The following ULK3 variants were observed in gnomAD, a reference collection of about 807,000 sequenced individuals.
ULK3 encodes the protein unc-51 like kinase 3.
In ULK3, 54 loss-of-function variants were observed where a neutral mutation model predicts 69.4. The observed-to-expected ratio is 0.78, with a 90% CI of 0.63 to 0.98. The LOEUF is 0.98. ULK3 is among the 50% of genes least tolerant of loss of function. The pLI, the probability that ULK3 is intolerant of heterozygous loss-of-function variation, is 0.00. For missense variants in ULK3, 558 were observed against 627.7 expected, an observed-to-expected ratio of 0.89 and a Z score of 1.19; for synonymous variants, 240 against 254.5, an observed-to-expected ratio of 0.94 and a Z score of 0.54.
intron 9 of ULK3, 132 bp from the exon 10 acceptor site, chr15:74,838,877 G>T: frequency 1.4e-6 from 2 of 1,409,554 alleles, no homozygotes; most frequent in Non-Finnish European, 1.9e-6. Flanking sequence ...AAATGTGGCT[G>T]GCCTGACCCA....
chr15:74,842,874 G>A lies in ULK3; in HGVS notation c.102+130C>T. The A allele has an allele frequency of 7.6e-7, 1 of 1,322,398 alleles. No homozygotes were observed. Among genetic ancestry groups the A allele is most frequent in the Admixed American group, 2.5e-5 (1 of 40,098 alleles). 81.9% of individuals were successfully genotyped at this position (1,322,398 alleles called of 1,614,324 possible). A position where few individuals can be genotyped will look rare whatever the true frequency, so the allele number is the denominator to read the frequency against. ...GGCAGTCGGCTCCAACCTCCGCCGAGGGTCAGCTGGGGCGAGGCCGGCCTC... is the reference window on the plus strand; with the variant it reads ...GGCAGTCGGCTCCAACCTCCGCCGAAGGTCAGCTGGGGCGAGGCCGGCCTC... On this transcript the variant is annotated intron_variant, in intron 1 of 15. Transcript: ENST00000440863. This position sits in a 1 kb window ranked among gnomAD's most constrained non-coding sequence, Gnocchi z 4.9.
In ULK3 at chr15:74,838,191, C is replaced by A; in HGVS notation, c.1248G>T (p.Ala416=). ...GCTCCCGCCTCCGGCCCGGGGGCTC[C>A]GCTGTAAAGAGAGGGTGTGTGGTGA... ...SLGELLLLLA[A]EPPGRRRELL... The change falls in exon 13 of 16, where the codon GCG becomes GCT. Residue 416 remains alanine, a splice_region_variant and synonymous_variant. Coordinates refer to ENST00000440863, the MANE Select transcript of ULK3 (RefSeq NM_001099436.4). 1 of 1,566,660 alleles carries A rather than the reference C, an allele frequency of 6.4e-7. No individual in the cohort carries two copies. The highest frequency in any genetic ancestry group is 2.4e-5 in the East Asian group (1 of 42,090).
At chr15:74,841,346 C>T in intron 4 of ULK3, 59 bp downstream of exon 4, 1 of 1,442,054 alleles carries the variant, frequency 6.9e-7, no homozygotes, top group Non-Finnish European at 9.7e-7. Flanking sequence ...TGAGTGAGCC[C>T]AGGCAGAGGG....
Position 74,837,189 on chromosome 15 carries a change from C to G in ULK3, c.*39G>C. On this transcript the variant is annotated 3_prime_UTR_variant, in exon 16 of 16. Coordinates refer to ENST00000440863, the MANE Select transcript of ULK3 (RefSeq NM_001099436.4). ...GTCAGCCTGGGTTAGTGCCCCTCTGCTCCAGATGGCTCACATCTGTCCAAT... is the reference window on the plus strand; with the variant it reads ...GTCAGCCTGGGTTAGTGCCCCTCTGGTCCAGATGGCTCACATCTGTCCAAT... The G allele has an allele frequency of 6.5e-7, 1 of 1,530,234 alleles. No individual in the cohort carries two copies. Among genetic ancestry groups the G allele is most frequent in the Non-Finnish European group, 8.8e-7 (1 of 1,138,342 alleles). 94.8% of individuals were successfully genotyped at this position (1,530,234 alleles called of 1,614,324 possible).
chr15:74,837,731 C>A lies in ULK3; in HGVS notation c.1335+20G>T. 6.3e-7 allele frequency: 1 copy of A among 1,588,008 alleles called. No homozygotes were observed. Among genetic ancestry groups the A allele is most frequent in the Non-Finnish European group, 8.6e-7 (1 of 1,166,332 alleles). ...CAGAACCCACAGACCCTAGCCCCAG[C>A]GTGGCCCCCATGTGCCCACCTTGAC... On this transcript the variant is annotated intron_variant, in intron 14 of 15. Transcript: ENST00000440863.
intron 13 of ULK3, 168 bp from the exon 14 acceptor site, chr15:74,837,966 T>A (rs968780065): frequency 8.1e-7 from 1 of 1,228,710 alleles, no homozygotes; most frequent in East Asian, 2.6e-5. Flanking sequence ...CTTCCCAGAC[T>A]TTTTGCTGCT....
rs1278743843 is a variant in ULK3, at chr15:74,838,351, C to A, written c.1168-7G>T. 6 of 1,568,856 alleles carry A rather than the reference C, an allele frequency of 3.8e-6. No individual in the cohort carries two copies. In the South Asian group the frequency reaches 5.9e-5, roughly 15 times the overall value. On this transcript the variant is annotated splice_polypyrimidine_tract_variant and splice_region_variant and intron_variant, in intron 11 of 15. Transcript: ENST00000440863. ...CCCCGCCGGCGGCCTCCTCCTGCAG[C>A]CACAAGGACACCAGGCTGCTTAGGG...
In ULK3 at chr15:74,843,079, CG is replaced by C; in HGVS notation, c.26del (p.Pro9ArgfsTer33). The C allele has an allele frequency of 2.1e-6, 3 of 1,409,306 alleles. No individual in the cohort carries two copies. The South Asian group carries it at 4.8e-5, about 22-fold the overall frequency. The allele number at this position is 1,409,306 out of a possible 1,614,324, so 87.3% of individuals were successfully genotyped here. ...CGGTGAGGATGAAGCCGTCCAGGCG[CG>C]GGGGACCCCAGCCGGGCCCCGCCAT... The part of the protein sequence containing the change: MAGPGWGP[P>X]RLDGFILTER... On this transcript the variant is annotated frameshift_variant, in exon 1 of 16. Transcript: ENST00000440863. LOFTEE classifies it high-confidence loss of function.
At chr15:74,840,744 G>A in intron 4 of ULK3, 103 bp from the exon 5 acceptor site, 1 of 1,404,430 alleles carries the variant, frequency 7.1e-7, no homozygotes, top group Non-Finnish European at 9.5e-7. Context: ...AGACCCGCCA[G>A]GATCAACCCT....
At chr15:74,838,042 G>C in intron 13 of ULK3, 110 bp downstream of exon 13, 1 of 1,473,266 alleles carries the variant, frequency 6.8e-7, no homozygotes, top group South Asian at 1.3e-5. Context: ...TCCAGACTTG[G>C]AACACCCTGA....
At chr15:74,840,702 A>C (rs1794693160) in intron 4 of ULK3, 61 bp from the exon 5 acceptor site, 2 of 1,513,822 alleles carry the variant, frequency 1.3e-6, no homozygotes, top group Non-Finnish European at 8.8e-7. Flanking sequence ...CCTGACTTGT[A>C]AAGCCTCACC....
rs2064326771 is a variant in ULK3, at chr15:74,843,119, G to C, written c.-14C>G. ...GGGCCCCGCCATTCCGGCCGCCTGC[G>C]CCCGCGCGGGCGCTTCCTCGCTGCG... On this transcript the variant is annotated 5_prime_UTR_variant, in exon 1 of 16. Transcript: ENST00000440863. The C allele has an allele frequency of 1.6e-6, 2 of 1,265,562 alleles. No individual in the cohort carries two copies. 78.4% of individuals were successfully genotyped at this position (1,265,562 alleles called of 1,614,324 possible). A position where few individuals can be genotyped will look rare whatever the true frequency, so the allele number is the denominator to read the frequency against.
At position 74,842,279 on chromosome 15, in the gene ULK3, C is replaced by T. The variant is rs2064284953; in HGVS notation, c.243+1G>A. Reference sequence around the variant, plus strand: ...GCAGCGGCCCCGCCCCAGGCTCACACCTGAAAGTCTTTCAGCTGCACAATG... The same window carrying T: ...GCAGCGGCCCCGCCCCAGGCTCACATCTGAAAGTCTTTCAGCTGCACAATG... On this transcript the variant is annotated splice_donor_variant, in intron 2 of 15. Coordinates refer to ENST00000440863, the MANE Select transcript of ULK3 (RefSeq NM_001099436.4). LOFTEE classifies it high-confidence loss of function. The surrounding 1 kb of genome is among the most constrained non-coding windows in gnomAD (Gnocchi z 4.9). The T allele has an allele frequency of 6.2e-7, 1 of 1,613,908 alleles. No individual in the cohort carries two copies.
At position 74,838,511 on chromosome 15, in the gene ULK3, T is replaced by C. The variant is rs780847792; in HGVS notation, c.1103-7A>G. 6.4e-7 allele frequency: 1 copy of C among 1,571,608 alleles called. No individual in the cohort carries two copies. Among genetic ancestry groups the C allele is most frequent in the South Asian group, 1.2e-5 (1 of 85,658 alleles). On this transcript the variant is annotated splice_polypyrimidine_tract_variant and splice_region_variant and intron_variant, in intron 10 of 15. Transcript: ENST00000440863. ...GGCTTGTCCCGGGCCATCTCTGAGA[T>C]GAGGGGAAAGGCTCAGGGTGAGGGA... is the stretch of plus-strand genomic sequence containing the variant.
chr15:74,842,431 G>A lies in ULK3; in HGVS notation c.103-11C>T. ...TTCACGAGTGTCCTTCTGCGAGACA[G>A]GAGATTTGGGGACTCTGCCTTGAGG... On this transcript the variant is annotated splice_polypyrimidine_tract_variant and intron_variant, in intron 1 of 15. Coordinates refer to ENST00000440863, the MANE Select transcript of ULK3 (RefSeq NM_001099436.4). This position sits in a 1 kb window ranked among gnomAD's most constrained non-coding sequence, Gnocchi z 4.9. 1 of 1,613,844 alleles carries A rather than the reference G, an allele frequency of 6.2e-7. No homozygotes were observed. The highest frequency in any genetic ancestry group is 8.5e-7 in the Non-Finnish European group (1 of 1,179,888).
chr15:74,842,620 C>G lies in ULK3; in HGVS notation c.103-200G>C. On this transcript the variant is annotated intron_variant, in intron 1 of 15. Coordinates refer to ENST00000440863, the MANE Select transcript of ULK3 (RefSeq NM_001099436.4). The surrounding 1 kb of genome is among the most constrained non-coding windows in gnomAD (Gnocchi z 4.9). ...ATTCTGGAATCCTGGCTTCCCGACA[C>G]AGCCTCAGCCTGGTCTTCTCCAACC... The G allele has an allele frequency of 6.5e-7, 1 of 1,540,274 alleles. No individual in the cohort carries two copies. Among genetic ancestry groups the G allele is most frequent in the Non-Finnish European group, 8.7e-7 (1 of 1,149,528 alleles).
chr15:74,839,060 G>A lies in ULK3; in HGVS notation c.959-10C>T, dbSNP rs770229537. 1 of 1,601,872 alleles carries A rather than the reference G, an allele frequency of 6.2e-7. No homozygotes were observed. Among genetic ancestry groups the A allele is most frequent in the South Asian group, 1.1e-5 (1 of 88,364 alleles). On this transcript the variant is annotated splice_polypyrimidine_tract_variant and intron_variant, in intron 8 of 15. Transcript: ENST00000440863. ...TGGGCATCCACTTCATCTGCAGAAA[G>A]TGAGGTCATATGAGGAGTCTGGGCG...
intron 13 of ULK3, 153 bp from the exon 14 acceptor site, chr15:74,837,951 GA>G: frequency 8.4e-7 from 1 of 1,186,548 alleles, no homozygotes; most frequent in Non-Finnish European, 1.2e-6. Flanking sequence ...CTTCCTCCAG[GA>G]AGCCTTCCCA....
chr15:74,837,938 C>T, intron 13 of ULK3, 140 bp from the exon 14 acceptor site: 2 of 1,175,400 alleles, frequency 1.7e-6, no homozygotes, highest in African/African-American at 1.5e-5. Context: ...CCCTTATCTG[C>T]TCCTTCCTCC....
Sources: gnomAD v4.1 joint callset for allele counts on GRCh38, gnomAD v4.1.1 for gene constraint, Gnocchi (gnomAD v3.1) non-coding constraint, MANE v1.5 for transcripts, NCBI Gene and HGNC (gene_info 2026-07-23, HGNC 2026-07-21) for gene names.